CSMD1: variants seen among roughly 807,000 people sequenced by gnomAD.
The protein encoded by CSMD1 is CUB and sushi domain-containing protein 1.
A neutral mutation model predicts 417.5 loss-of-function variants in CSMD1; 213 were observed. The ratio of observed to expected loss-of-function variants is 0.51; its 90% CI spans 0.46 to 0.57. The LOEUF is 0.57. Ranked by LOEUF, CSMD1 falls within the 20% of genes least tolerant of loss-of-function variation. The pLI is 0.00. For synonymous variants in CSMD1, 2,862 were observed against 1,736.8 expected (o/e 1.65, Z -16.11); for missense variants, 6,923 against 4,529.7 (o/e 1.53, Z -15.17).
chr8:3,232,522 C>T (rs1024098094), intron 26 of CSMD1, among the ~76,000 whole-genome samples: 1 of 152,128 alleles, frequency 6.6e-6, no homozygotes, highest in Non-Finnish European at 1.5e-5. Context: ...TCTTTTTACC[C>T]TTATATAAAA....
intron 26 of CSMD1, among the ~76,000 whole-genome samples, chr8:3,244,642 G>GTA (rs1799762284): frequency 2.0e-5 from 3 of 152,154 alleles, no homozygotes; most frequent in African/African-American, 7.2e-5. Context: ...ACATTTTGGG[G>GTA]GCAGCTTTGA....
intron 5 of CSMD1, among the ~76,000 whole-genome samples, chr8:3,882,527 A>T (rs1806275742): frequency 2.0e-5 from 3 of 152,194 alleles, no homozygotes; most frequent in Admixed American, 2.0e-4. Flanking sequence ...ACATGCATAC[A>T]CTGTGAGTGG....
At chr8:4,098,984 C>G (rs1466915839) in intron 3 of CSMD1, among the ~76,000 whole-genome samples, 2 of 152,184 alleles carry the variant, frequency 1.3e-5, no homozygotes. Context: ...TAAGAATACA[C>G]ATGAACTCTC....
At chr8:3,823,816 G>C (rs920187741) in intron 5 of CSMD1, among the ~76,000 whole-genome samples, 11 of 152,078 alleles carry the variant, frequency 7.2e-5, no homozygotes, top group African/African-American at 2.4e-4. Flanking sequence ...AAAATGACTT[G>C]ATCATAAAGA....
In CSMD1 at chr8:3,118,289, G is replaced by C. The variant is rs959413282; in HGVS notation, c.6430+110C>G. Reference sequence around the variant, plus strand: ...GAGTAAAACATAATAGATTCTCAACGAATATTTATTGAATACATTAATAAA... The same window carrying C: ...GAGTAAAACATAATAGATTCTCAACCAATATTTATTGAATACATTAATAAA... On this transcript the variant is annotated intron_variant, in intron 42 of 69. Transcript: ENST00000635120. 1.7e-5 allele frequency: 13 copies of C among 770,428 alleles called. No individual in the cohort carries two copies. The East Asian group carries it at 3.3e-4, about 20-fold the overall frequency. 47.7% of individuals were successfully genotyped at this position (770,428 alleles called of 1,614,324 possible).
chr8:3,876,417 T>C (rs547272007), intron 5 of CSMD1, among the ~76,000 whole-genome samples: 115 of 152,312 alleles, frequency 7.6e-4, no homozygotes, highest in Non-Finnish European at 1.4e-3. Flanking sequence ...ATTCTGCACT[T>C]AGAAGCCTGG....
chr8:3,925,408 T>C (rs1475795067), intron 5 of CSMD1, among the ~76,000 whole-genome samples: 5 of 152,186 alleles, frequency 3.3e-5, no homozygotes, highest in Non-Finnish European at 1.5e-5. Flanking sequence ...TATAAAAGCA[T>C]GATGAAAGAA....
At chr8:3,720,889 G>A (rs1449518399) in intron 6 of CSMD1, among the ~76,000 whole-genome samples, 2 of 135,474 alleles carry the variant, frequency 1.5e-5, no homozygotes, top group African/African-American at 3.4e-5. Flanking sequence ...TCGGCTCACT[G>A]CATGCAACCT....
At chr8:3,535,819 C>G (rs1798171828) in intron 10 of CSMD1, among the ~76,000 whole-genome samples, 1 of 152,114 alleles carries the variant, frequency 6.6e-6, no homozygotes, top group African/African-American at 2.4e-5. Context: ...TTGCAGTTTC[C>G]TCTCCCACCA....
At chr8:3,288,716 G>C (rs1347596413) in intron 25 of CSMD1, among the ~76,000 whole-genome samples, 1 of 146,846 alleles carries the variant, frequency 6.8e-6, no homozygotes, top group East Asian at 2.0e-4. Context: ...CTTGATAGCA[G>C]TTTATCAATT....
At chr8:3,971,882 T>G (rs1393458938) in intron 5 of CSMD1, among the ~76,000 whole-genome samples, 1 of 152,176 alleles carries the variant, frequency 6.6e-6, no homozygotes, top group Non-Finnish European at 1.5e-5. Flanking sequence ...GTTTCTTTGT[T>G]GATTTTTTTG....
chr8:4,699,311 C>A (rs1807359502), intron 1 of CSMD1, among the ~76,000 whole-genome samples: 1 of 152,186 alleles, frequency 6.6e-6, no homozygotes, highest in African/African-American at 2.4e-5. Context: ...TAGCAGAGTG[C>A]TTTACTTCTC....
At chr8:3,478,802 C>A (rs150085585) in intron 11 of CSMD1, among the ~76,000 whole-genome samples, 4 of 152,006 alleles carry the variant, frequency 2.6e-5, no homozygotes, top group African/African-American at 9.7e-5. Flanking sequence ...GCTGCCTTGT[C>A]GAAGAAAAAA....
intron 37 of CSMD1, among the ~76,000 whole-genome samples, chr8:3,164,083 G>A (rs369738441): frequency 7.2e-5 from 11 of 152,286 alleles, no homozygotes; most frequent in East Asian, 5.8e-4. Flanking sequence ...CCAGCTTGCC[G>A]AGTGTTTCCC....
chr8:3,890,846 G>A (rs1319399689), intron 5 of CSMD1, among the ~76,000 whole-genome samples: 1 of 152,060 alleles, frequency 6.6e-6, no homozygotes, highest in East Asian at 1.9e-4. Context: ...CTCATACTCA[G>A]TAAGTATATA....
rs367694133 is a variant in CSMD1, at chr8:3,078,287, T to G, written c.7474+8810A>C. Among the ~76,000 whole-genome samples the G allele has an allele frequency of 3.9e-5, 6 of 152,292 alleles. No homozygotes were observed. The East Asian group carries it at 7.7e-4, about 20-fold the overall frequency. On this transcript the variant is annotated intron_variant, in intron 49 of 69. Transcript: ENST00000635120. ...CACTTCCACTGACTACAATACTGCT[T>G]TTATTATTAGCCACATTTCACACAG...
intron 29 of CSMD1, among the ~76,000 whole-genome samples, chr8:3,217,978 A>G (rs1797977695): frequency 6.6e-6 from 1 of 152,202 alleles, no homozygotes; most frequent in Admixed American, 6.5e-5. Context: ...AATTCTTTGT[A>G]ATACACCTTG....
At chr8:4,166,536 A>G (rs929129414) in intron 3 of CSMD1, among the ~76,000 whole-genome samples, 6 of 152,338 alleles carry the variant, frequency 3.9e-5, no homozygotes, top group East Asian at 3.9e-4. Flanking sequence ...ATTCTCATTT[A>G]TAAGTGGGAG....
chr8:4,841,930 A>AAAAAAAAAAAAAAAAAAAACAAAAC lies in CSMD1; in HGVS notation c.85+152401_85+152402insGTTTTGTTTTTTTTTTTTTTTTTTT, dbSNP rs1192383183. Among the ~76,000 whole-genome samples the AAAAAAAAAAAAAAAAAAAACAAAAC allele has an allele frequency of 1.1e-3, 133 of 122,442 alleles. 4 individuals carry two copies. The highest frequency in any genetic ancestry group is 1.9e-3 in the African/African-American group (56 of 30,002). The allele number at this position is 122,442 out of a possible 152,430, so 80.3% of individuals were successfully genotyped here. On this transcript the variant is annotated intron_variant, in intron 1 of 69. Transcript: ENST00000635120. ...CCGTCTCAAAAAAAAAAAAAAAAAA[A>AAAAAAAAAAAAAAAAAAAACAAAAC]AAAAAAAAGTTCAGAACAATGGATA...
Sources: allele counts gnomAD v4.1 joint callset (sites outside exome capture counted in the v4.1 genomes callset), GRCh38; gene constraint gnomAD v4.1.1; transcripts MANE v1.5; gene names NCBI Gene and HGNC (gene_info 2026-07-23, HGNC 2026-07-21).